ADAM22: variants seen among roughly 807,000 people sequenced by gnomAD.
ADAM22 encodes ADAM metallopeptidase domain 22.
ADAM22 carries 65 observed loss-of-function variants against 144.6 expected under a neutral mutation model. The observed-to-expected ratio is 0.45, with a 90% confidence interval of 0.37 to 0.55. ADAM22 has a LOEUF of 0.55. Ranked by LOEUF, ADAM22 falls within the 20% of genes least tolerant of loss-of-function variation. The pLI, the probability that ADAM22 is intolerant of heterozygous loss-of-function variation, is 0.00. For missense variants in ADAM22, 974 were observed against 1,184.9 expected, an observed-to-expected ratio of 0.82 and a Z score of 2.61; for synonymous variants, 391 against 412.6, an observed-to-expected ratio of 0.95 and a Z score of 0.63.
At chr7:87,977,278 A>G (rs1359834389) in intron 2 of ADAM22, among the ~76,000 whole-genome samples, 1 of 152,144 alleles carries the variant, frequency 6.6e-6, no homozygotes, top group Admixed American at 6.5e-5. Context: ...CTAATCTCAT[A>G]GTTTACTGTG....
At chr7:88,080,564 T>G (rs1816227766) in intron 4 of ADAM22, among the ~76,000 whole-genome samples, 1 of 152,080 alleles carries the variant, frequency 6.6e-6, no homozygotes, top group Admixed American at 6.6e-5. Flanking sequence ...AGGAGCTGGT[T>G]TTTTTTAAAA....
rs1046712591 is a variant in ADAM22, at chr7:87,979,222, G to A, written c.323+810G>A. ...AAATAGACTAAGAGTGAGAATTAGA[G>A]CCTGAGTTGTCTGCAATGGGGAACC... On this transcript the variant is annotated intron_variant, in intron 3 of 31. Coordinates refer to ENST00000413139, the MANE Select transcript of ADAM22 (RefSeq NM_001324418.2). Among the ~76,000 whole-genome samples, 23 of 152,252 alleles carry A rather than the reference G, an allele frequency of 1.5e-4. 1 individual carries two copies. In the East Asian group the frequency reaches 4.1e-3, roughly 27 times the overall value.
chr7:88,148,268 T>G (rs1332049075), intron 17 of ADAM22, among the ~76,000 whole-genome samples: 2 of 152,054 alleles, frequency 1.3e-5, no homozygotes, highest in Non-Finnish European at 2.9e-5. Flanking sequence ...AGAGAAGGAT[T>G]GAGAAGGGAA....
chr7:88,003,536 T>A (rs1391882519), intron 3 of ADAM22, among the ~76,000 whole-genome samples: 2 of 151,826 alleles, frequency 1.3e-5, no homozygotes, highest in African/African-American at 4.8e-5. Flanking sequence ...TCACACTGAA[T>A]TTTTTTTCAA....
At chr7:88,081,178 G>C (rs1427469756) in intron 4 of ADAM22, among the ~76,000 whole-genome samples, 3 of 152,092 alleles carry the variant, frequency 2.0e-5, no homozygotes, top group Non-Finnish European at 4.4e-5. Flanking sequence ...ATGCAAGGCT[G>C]GTTCAACATA....
chr7:87,954,577 T>C (rs1275283433), intron 2 of ADAM22, among the ~76,000 whole-genome samples: 1 of 152,162 alleles, frequency 6.6e-6, no homozygotes, highest in East Asian at 1.9e-4. Context: ...CCCTTAACAT[T>C]TTTTCCTTCA....
intron 2 of ADAM22, among the ~76,000 whole-genome samples, chr7:87,956,115 G>A (rs1050335180): frequency 3.2e-4 from 49 of 152,258 alleles, no homozygotes; most frequent in African/African-American, 7.2e-4. Flanking sequence ...TTCGGCTGGC[G>A]CACAGTGTGC....
intron 3 of ADAM22, among the ~76,000 whole-genome samples, chr7:88,063,312 G>A (rs1279753295): frequency 2.0e-5 from 3 of 152,006 alleles, no homozygotes; most frequent in South Asian, 4.2e-4. Flanking sequence ...AAAAACAGTA[G>A]AAACAGTAAC....
chr7:88,145,464 A>G lies in ADAM22; in HGVS notation c.1442A>G (p.Gln481Arg), dbSNP rs1836103981. Residue 481 changes from glutamine to arginine, a missense_variant, in exon 17 of 32, where the codon CAA becomes CGA. Physicochemically the swap from Gln to Arg is conservative, Grantham distance 43. Transcript: ENST00000413139. Reference sequence around the variant, plus strand: ...TGTTGTAAGAAATGCACCTTGACTCAAGACTCTCAATGCAGTGACGGTCTT... The same window carrying G: ...TGTTGTAAGAAATGCACCTTGACTCGAGACTCTCAATGCAGTGACGGTCTT... ...AECCKKCTLT[Q>R]DSQCSDGLCC... 6.2e-7 allele frequency: 1 copy of G among 1,613,704 alleles called. No individual in the cohort carries two copies.
At chr7:88,108,398 C>G (rs1280342714) in intron 5 of ADAM22, 140 bp downstream of exon 5, 2 of 719,674 alleles carry the variant, frequency 2.8e-6, no homozygotes, top group South Asian at 2.0e-5. Context: ...TTTTTTTTCT[C>G]TTTTGTATTT....
At chr7:87,952,957 T>C (rs1257229337) in intron 2 of ADAM22, among the ~76,000 whole-genome samples, 2 of 152,182 alleles carry the variant, frequency 1.3e-5, no homozygotes, top group East Asian at 3.8e-4. Flanking sequence ...TCTCTGATGG[T>C]AGTTTGTATT....
At chr7:88,065,782 A>T (rs534421297) in intron 3 of ADAM22, among the ~76,000 whole-genome samples, 1 of 152,152 alleles carries the variant, frequency 6.6e-6, no homozygotes, top group South Asian at 2.1e-4. Flanking sequence ...TTACAGCTAC[A>T]CATCTATTTT....
chr7:87,947,649 C>G (rs558731361), intron 2 of ADAM22, among the ~76,000 whole-genome samples: 1 of 152,104 alleles, frequency 6.6e-6, no homozygotes, highest in African/African-American at 2.4e-5. Context: ...ACAATGTTCT[C>G]TCATAGTTAA....
chr7:88,005,742 C>T (rs1331403624), intron 3 of ADAM22, among the ~76,000 whole-genome samples: 1 of 151,966 alleles, frequency 6.6e-6, no homozygotes, highest in African/African-American at 2.4e-5. Flanking sequence ...GGGTTGAATC[C>T]AGGTTCATTA....
chr7:88,063,773 C>T (rs1337099490), intron 3 of ADAM22, among the ~76,000 whole-genome samples: 1 of 152,186 alleles, frequency 6.6e-6, no homozygotes, highest in African/African-American at 2.4e-5. Context: ...ATTAGACAGA[C>T]TTATTACTAG....
chr7:88,172,892 A>C (rs1224026338), intron 26 of ADAM22, among the ~76,000 whole-genome samples: 2 of 152,040 alleles, frequency 1.3e-5, no homozygotes, highest in African/African-American at 4.8e-5. Flanking sequence ...GATTGATCGT[A>C]TTAGAAATCT....
intron 3 of ADAM22, among the ~76,000 whole-genome samples, chr7:88,049,662 G>T (rs1805671569): frequency 6.6e-6 from 1 of 152,186 alleles, no homozygotes; most frequent in Non-Finnish European, 1.5e-5. Context: ...CTCCCAAAGT[G>T]CTGGGATTAC....
intron 30 of ADAM22, among the ~76,000 whole-genome samples, chr7:88,189,714 G>A (rs1849171477): frequency 6.6e-6 from 1 of 152,166 alleles, no homozygotes; most frequent in Admixed American, 6.5e-5. Context: ...GGGAGGCCAA[G>A]GTGGGCAGAT....
At chr7:88,020,427 G>C (rs1797573930) in intron 3 of ADAM22, among the ~76,000 whole-genome samples, 1 of 152,178 alleles carries the variant, frequency 6.6e-6, no homozygotes, top group South Asian at 2.1e-4. Context: ...TCCACAGGGG[G>C]TTCTCCATGC....
Sources: allele counts gnomAD v4.1 joint callset (sites outside exome capture counted in the v4.1 genomes callset), GRCh38; gene constraint gnomAD v4.1.1; transcripts MANE v1.5; gene names NCBI Gene and HGNC (gene_info 2026-07-23, HGNC 2026-07-21).